The following AFG1L variants were observed in gnomAD, a reference collection of about 807,000 sequenced individuals.
AFG1L encodes AFG1-like ATPase.
Under a neutral mutation model 62.2 loss-of-function variants are expected in AFG1L, and 53 were observed. The ratio of observed to expected loss-of-function variants is 0.85; its 90% CI spans 0.68 to 1.07. The LOEUF (loss-of-function observed/expected upper bound fraction) is 1.07. AFG1L is among the 50% of genes least tolerant of loss of function. The pLI, the probability that AFG1L is intolerant of heterozygous loss-of-function variation, is 0.00. For synonymous variants in AFG1L, 228 were observed against 210.3 expected (o/e 1.08, Z -0.73); for missense variants, 555 against 590.5 (o/e 0.94, Z 0.62).
At chr6:108,340,161 T>C (rs1477595148) in intron 2 of AFG1L, among the ~76,000 whole-genome samples, 1 of 152,084 alleles carries the variant, frequency 6.6e-6, no homozygotes, top group Non-Finnish European at 1.5e-5. Context: ...TGTTTGTCTT[T>C]CTGTGCCTGG....
intron 6 of AFG1L, among the ~76,000 whole-genome samples, chr6:108,381,997 GTTTTTTTTTT>G (rs768825605): frequency 1.7e-5 from 2 of 118,328 alleles, no homozygotes; most frequent in Non-Finnish European, 3.6e-5. Flanking sequence ...TTTATTCACT[GTTTTTTTTTT>G]TTTTTTTTTT....
intron 1 of AFG1L, among the ~76,000 whole-genome samples, chr6:108,302,483 A>G (rs1238717859): frequency 6.6e-6 from 1 of 151,948 alleles, no homozygotes; most frequent in African/African-American, 2.4e-5. Context: ...TTTAAAGCCG[A>G]GCCCAGCCAT....
intron 10 of AFG1L, among the ~76,000 whole-genome samples, chr6:108,480,731 G>GACC (rs1170668583): frequency 2.0e-5 from 3 of 152,178 alleles, no homozygotes; most frequent in Non-Finnish European, 4.4e-5. Context: ...CCAGGAGGTG[G>GACC]AGGTTGCAGT....
chr6:108,461,794 T>C (rs762348196), intron 8 of AFG1L, among the ~76,000 whole-genome samples: 1 of 151,308 alleles, frequency 6.6e-6, no homozygotes, highest in African/African-American at 2.4e-5. Flanking sequence ...TTTATGTCTA[T>C]TGAAAATCAC....
chr6:108,396,048 G>GTT (rs532126297), intron 6 of AFG1L, among the ~76,000 whole-genome samples: 3 of 141,528 alleles, frequency 2.1e-5, no homozygotes, highest in Middle Eastern at 3.7e-3. Flanking sequence ...TTGTTTTTTT[G>GTT]TTTTTTTTTT....
intron 10 of AFG1L, among the ~76,000 whole-genome samples, chr6:108,485,738 A>G (rs1300122492): frequency 1.6e-5 from 2 of 126,236 alleles, no homozygotes; most frequent in African/African-American, 6.2e-5. Context: ...TGGTGTGATC[A>G]CTGCTCACTG....
intron 8 of AFG1L, among the ~76,000 whole-genome samples, chr6:108,468,723 A>T: frequency 2.1e-5 from 3 of 142,428 alleles, no homozygotes; most frequent in South Asian, 2.2e-4. Flanking sequence ...TTGTGAATTG[A>T]TCTTCTAATG....
At chr6:108,413,128 T>A (rs1301943990) in intron 7 of AFG1L, among the ~76,000 whole-genome samples, 3 of 151,970 alleles carry the variant, frequency 2.0e-5, no homozygotes, top group African/African-American at 4.8e-5. Context: ...TAGTCTCTCA[T>A]AAAACAGACT....
chr6:108,493,948 T>C (rs1773868177), intron 10 of AFG1L, among the ~76,000 whole-genome samples: 1 of 152,140 alleles, frequency 6.6e-6, no homozygotes, highest in Admixed American at 6.6e-5. Context: ...GCGATTCTTG[T>C]ACGTCAGCCT....
intron 11 of AFG1L, among the ~76,000 whole-genome samples, 165 bp from the exon 12 acceptor site, chr6:108,519,532 A>C (rs1775039263): frequency 6.6e-6 from 1 of 152,192 alleles, no homozygotes; most frequent in Admixed American, 6.5e-5. Flanking sequence ...GTTTTAAAAC[A>C]CTGCTTTAAA....
At chr6:108,370,700 A>G (rs1779965873) in intron 6 of AFG1L, among the ~76,000 whole-genome samples, 1 of 152,054 alleles carries the variant, frequency 6.6e-6, no homozygotes, top group Non-Finnish European at 1.5e-5. Context: ...AAAGGAAAGG[A>G]CACTTTCTAA....
At chr6:108,503,880 T>C (rs1774297159) in intron 10 of AFG1L, among the ~76,000 whole-genome samples, 1 of 152,254 alleles carries the variant, frequency 6.6e-6, no homozygotes, top group South Asian at 2.1e-4. Context: ...TGTTTCACCT[T>C]GAACTTTCGT....
intron 2 of AFG1L, among the ~76,000 whole-genome samples, chr6:108,324,773 A>G (rs1777971396): frequency 6.7e-6 from 1 of 150,128 alleles, no homozygotes; most frequent in South Asian, 2.1e-4. Flanking sequence ...GGCTCCTGGC[A>G]ACCTTTGCCT....
chr6:108,370,155 G>A (rs552795808), intron 6 of AFG1L, among the ~76,000 whole-genome samples: 23 of 152,002 alleles, frequency 1.5e-4, no homozygotes, highest in African/African-American at 5.5e-4. Flanking sequence ...AGAGGAAAGA[G>A]CTAAACCTTT....
intron 7 of AFG1L, among the ~76,000 whole-genome samples, chr6:108,429,219 G>C (rs1040516339): frequency 6.6e-6 from 1 of 152,232 alleles, no homozygotes; most frequent in South Asian, 2.1e-4. Context: ...TTCTCATGCT[G>C]CTAATAAAGA....
intron 6 of AFG1L, among the ~76,000 whole-genome samples, chr6:108,369,672 G>A (rs1401698165): frequency 6.6e-6 from 1 of 151,932 alleles, no homozygotes; most frequent in East Asian, 1.9e-4. Context: ...TGCAGTGCGC[G>A]ATCTTGGTTA....
chr6:108,348,809 C>T (rs1476672101), intron 3 of AFG1L, among the ~76,000 whole-genome samples: 6 of 152,160 alleles, frequency 3.9e-5, no homozygotes, highest in Admixed American at 3.3e-4. Flanking sequence ...ATTAAGTCAT[C>T]GCTAAAATCA....
chr6:108,300,736 G>A (rs540832498), intron 1 of AFG1L, among the ~76,000 whole-genome samples: 70 of 150,628 alleles, frequency 4.6e-4, no homozygotes, highest in African/African-American at 1.5e-3. Flanking sequence ...GCAGTGGAGC[G>A]ATGTCGGCTC....
Position 108,295,238 on chromosome 6 carries a change from G to C in AFG1L, c.139+20G>C, listed in dbSNP as rs1776719285. 2 of 1,593,188 alleles carry C rather than the reference G, an allele frequency of 1.3e-6. No homozygotes were observed. The highest frequency in any genetic ancestry group is 2.7e-5 in the African/African-American group (2 of 74,608). ...GGAAAGGTCAGTGACTGTGCCATGA[G>C]TAGTCCGAGCCGACTGCATATGACT... On this transcript the variant is annotated intron_variant, in intron 1 of 12. Transcript: ENST00000368977.
Sources: gnomAD v4.1 joint callset for allele counts (sites outside exome capture counted in the v4.1 genomes callset) on GRCh38, gnomAD v4.1.1 for gene constraint, MANE v1.5 for transcripts, NCBI Gene and HGNC (gene_info 2026-07-23, HGNC 2026-07-21) for gene names.